Variants in CCDC141 observed in about 807,000 individuals in gnomAD.
CCDC141 encodes coiled-coil domain-containing protein 141.
In CCDC141, 168 loss-of-function variants were observed where a neutral mutation model predicts 181.0. The observed-to-expected ratio is 0.93, with a 90% CI of 0.82 to 1.05. CCDC141 has a LOEUF of 1.05. Ranked by LOEUF, CCDC141 falls within the 50% of genes least tolerant of loss-of-function variation. CCDC141 has a pLI of 0.00. For missense variants in CCDC141, 1,902 were observed against 1,788.5 expected (o/e 1.06, Z -1.14); for synonymous variants, 666 against 642.3 (o/e 1.04, Z -0.56).
At chr2:178,924,847 A>T (rs1158624046) in intron 6 of CCDC141, among the ~76,000 whole-genome samples, 1 of 152,232 alleles carries the variant, frequency 6.6e-6, no homozygotes, top group East Asian at 1.9e-4. Context: ...GTAGAAAATC[A>T]TTGCGACTGA....
intron 2 of CCDC141, among the ~76,000 whole-genome samples, chr2:178,988,869 T>C (rs1559031320): frequency 6.6e-6 from 1 of 152,160 alleles, no homozygotes; most frequent in African/African-American, 2.4e-5. Flanking sequence ...GGCCAATTGA[T>C]TTTCAACAAT....
intron 2 of CCDC141, among the ~76,000 whole-genome samples, chr2:179,012,232 T>C (rs1439334959): frequency 1.3e-5 from 2 of 151,952 alleles, no homozygotes; most frequent in African/African-American, 4.8e-5. Context: ...TTTAGCAAGA[T>C]TAACCAAGAA....
intron 2 of CCDC141, among the ~76,000 whole-genome samples, chr2:179,021,238 T>C (rs2042684387): frequency 6.6e-6 from 1 of 152,200 alleles, no homozygotes; most frequent in Admixed American, 6.5e-5. Flanking sequence ...CTGACAGGCA[T>C]AATGAATTTC....
At chr2:178,879,093 C>A (rs1429740705) in intron 11 of CCDC141, among the ~76,000 whole-genome samples, 1 of 152,100 alleles carries the variant, frequency 6.6e-6, no homozygotes, top group African/African-American at 2.4e-5. Context: ...ATTTGCTAAC[C>A]AATGTAAGCA....
chr2:178,836,660 G>C (rs1417241986), intron 23 of CCDC141: 1 of 420,740 alleles, frequency 2.4e-6, no homozygotes, highest in Non-Finnish European at 4.2e-6. Flanking sequence ...CAGTGCTTTG[G>C]AAATTTGTTA....
intron 5 of CCDC141, among the ~76,000 whole-genome samples, chr2:178,950,180 T>G (rs1689891528): frequency 6.6e-6 from 1 of 152,228 alleles, no homozygotes; most frequent in Non-Finnish European, 1.5e-5. Flanking sequence ...ATCAGTTATT[T>G]ATCTTCTTTA....
In CCDC141 at chr2:178,923,401, GCC is replaced by G. The variant is rs1249821693; in HGVS notation, c.898-4496_898-4495del. The stretch of plus-strand genomic sequence containing the variant: ...TTACAGGCGTGAGCCACCGCGCCCG[GCC>G]CCACCAGTTTATTTTTAAGATGAAA... On this transcript the variant is annotated intron_variant, in intron 6 of 23. Transcript: ENST00000443758. 3.3e-5 allele frequency among the ~76,000 whole-genome samples: 5 copies of G among 152,192 alleles called. No individual in the cohort carries two copies. In the East Asian group the frequency reaches 7.7e-4, roughly 24 times the overall value.
At chr2:178,885,472 A>G (rs959025695) in intron 10 of CCDC141, among the ~76,000 whole-genome samples, 6 of 152,352 alleles carry the variant, frequency 3.9e-5, no homozygotes, top group Admixed American at 3.9e-4. Flanking sequence ...TAATTTTATT[A>G]TATGAGATGG....
intron 20 of CCDC141, among the ~76,000 whole-genome samples, chr2:178,852,000 C>T (rs981428341): frequency 6.6e-6 from 1 of 152,182 alleles, no homozygotes; most frequent in African/African-American, 2.4e-5. Context: ...GACGGAGACT[C>T]ATGTCATTCA....
At chr2:179,024,641 A>G (rs1476850185) in intron 2 of CCDC141, among the ~76,000 whole-genome samples, 1 of 152,208 alleles carries the variant, frequency 6.6e-6, no homozygotes, top group Non-Finnish European at 1.5e-5. Flanking sequence ...TCAGAGAGCA[A>G]TGATAATTTC....
At chr2:179,036,060 A>T (rs1271360159) in intron 2 of CCDC141, among the ~76,000 whole-genome samples, 1 of 152,228 alleles carries the variant, frequency 6.6e-6, no homozygotes, top group African/African-American at 2.4e-5. Flanking sequence ...GTGTTCCAGC[A>T]ACAAAGGAGT....
intron 2 of CCDC141, among the ~76,000 whole-genome samples, chr2:178,986,856 T>C (rs1391451978): frequency 6.6e-6 from 1 of 151,050 alleles, no homozygotes; most frequent in African/African-American, 2.4e-5. Context: ...TGCTCATGGG[T>C]AGGAAGAATC....
chr2:178,897,810 C>A (rs1228280339), intron 8 of CCDC141, among the ~76,000 whole-genome samples: 1 of 152,090 alleles, frequency 6.6e-6, no homozygotes, highest in African/African-American at 2.4e-5. Context: ...AAAATGAGGT[C>A]CTCATTTTTG....
Position 178,950,144 on chromosome 2 carries a change from A to T in CCDC141, c.781-5493T>A, listed in dbSNP as rs145817758. On this transcript the variant is annotated intron_variant, in intron 5 of 23. Coordinates refer to ENST00000443758, the MANE Select transcript of CCDC141 (RefSeq NM_173648.4). ...GCTGAATAACCAGGTTCTATTAAGT[A>T]CAAAAAACTGATAAAGGAAAAAGGC... Among the ~76,000 whole-genome samples, 1,059 of 152,354 alleles carry T rather than the reference A, an allele frequency of 7.0e-3. 4 individuals carry two copies. Among genetic ancestry groups the T allele is most frequent in the Non-Finnish European group, 8.2e-3 (557 of 68,032 alleles).
In CCDC141 at chr2:178,888,512, A is replaced by G. The variant is rs1043988564; in HGVS notation, c.1407+15T>C. The stretch of plus-strand genomic sequence containing the variant: ...TCACCAACTTAGATATTTAAGTTTT[A>G]GTTTACGAAACTACCTTCCGTAGGT... On this transcript the variant is annotated intron_variant, in intron 9 of 23. Transcript: ENST00000443758. 6 of 1,549,036 alleles carry G rather than the reference A, an allele frequency of 3.9e-6. No homozygotes were observed. The highest frequency in any genetic ancestry group is 5.2e-6 in the Non-Finnish European group (6 of 1,145,882).
At chr2:178,850,484 A>C (rs1178456071) in intron 20 of CCDC141, among the ~76,000 whole-genome samples, 1 of 152,160 alleles carries the variant, frequency 6.6e-6, no homozygotes, top group Admixed American at 6.5e-5. Context: ...AGAAGAATAA[A>C]TTCCTCAGGA....
At chr2:179,023,436 T>G (rs559266089) in intron 2 of CCDC141, among the ~76,000 whole-genome samples, 73 of 152,250 alleles carry the variant, frequency 4.8e-4, no homozygotes, top group African/African-American at 1.7e-3. Context: ...TTGCCTGTTA[T>G]GAAATTTAAC....
intron 7 of CCDC141, among the ~76,000 whole-genome samples, chr2:178,914,591 C>T (rs1688360244): frequency 6.6e-6 from 1 of 152,152 alleles, no homozygotes; most frequent in East Asian, 1.9e-4. Flanking sequence ...ACTCCTGGAG[C>T]CACTGGACAA....
At chr2:179,045,532 T>C (rs959415358) in intron 2 of CCDC141, among the ~76,000 whole-genome samples, 1 of 152,098 alleles carries the variant, frequency 6.6e-6, no homozygotes, top group Non-Finnish European at 1.5e-5. Flanking sequence ...TACCCAGTAA[T>C]GGGATGGCTG....
Sources: gnomAD v4.1 joint callset for allele counts (sites outside exome capture counted in the v4.1 genomes callset) on GRCh38, gnomAD v4.1.1 for gene constraint, MANE v1.5 for transcripts, NCBI Gene and HGNC (gene_info 2026-07-23, HGNC 2026-07-21) for gene names.